Variants in MINDY4 observed in about 807,000 individuals in gnomAD.
MINDY4 encodes the protein MINDY lysine 48 deubiquitinase 4, also known as probable ubiquitin carboxyl-terminal hydrolase MINDY-4.
A neutral mutation model predicts 87.0 loss-of-function variants in MINDY4; 68 were observed. The ratio of observed to expected loss-of-function variants is 0.78; its 90% CI spans 0.64 to 0.96. The LOEUF is 0.96. MINDY4 is among the 40% of genes least tolerant of loss of function. MINDY4 has a pLI of 0.00. For synonymous variants in MINDY4, 379 were observed against 363.2 expected (o/e 1.04, Z -0.50); for missense variants, 919 against 928.2 (o/e 0.99, Z 0.13).
chr7:30,858,380 C>T (rs577723329), intron 12 of MINDY4: 3 of 152,214 alleles, frequency 2.0e-5, no homozygotes, highest in Admixed American at 1.3e-4. Flanking sequence ...GATTATTACC[C>T]TCTTTTTACA....
At chr7:30,805,685 T>C (rs1042210045) in intron 5 of MINDY4, among the ~76,000 whole-genome samples, 3 of 152,112 alleles carry the variant, frequency 2.0e-5, no homozygotes, top group African/African-American at 7.2e-5. Context: ...AGAGAGCACC[T>C]TGAGCAAAGT....
intron 5 of MINDY4, 100 bp downstream of exon 5, chr7:30,791,674 C>T: frequency 7.8e-7 from 1 of 1,284,592 alleles, no homozygotes; most frequent in Non-Finnish European, 1.1e-6. Flanking sequence ...TCTTAGTCTC[C>T]TTGGTCTCTC....
intron 5 of MINDY4, among the ~76,000 whole-genome samples, chr7:30,824,355 G>A (rs1788433224): frequency 6.6e-6 from 1 of 152,106 alleles, no homozygotes; most frequent in East Asian, 1.9e-4. Flanking sequence ...ATTCATGAGG[G>A]CAAAGCACTC....
chr7:30,882,109 A>G, intron 15 of MINDY4, 72 bp from the exon 16 acceptor site: 1 of 1,438,566 alleles, frequency 7.0e-7, no homozygotes, highest in African/African-American at 1.4e-5. Flanking sequence ...CCCTGCCTTG[A>G]GTCAGACAGA....
At chr7:30,861,698 C>T (rs912828246) in intron 13 of MINDY4, among the ~76,000 whole-genome samples, 1 of 152,224 alleles carries the variant, frequency 6.6e-6, no homozygotes, top group Non-Finnish European at 1.5e-5. Context: ...GGGTACAAGC[C>T]GGGAATAATG....
At chr7:30,846,641 G>C (rs1789227629) in intron 9 of MINDY4, among the ~76,000 whole-genome samples, 1 of 152,048 alleles carries the variant, frequency 6.6e-6, no homozygotes, top group Non-Finnish European at 1.5e-5. Context: ...TCATCTGTGG[G>C]TGCAGGTTCT....
intron 5 of MINDY4, among the ~76,000 whole-genome samples, chr7:30,821,831 T>C (rs943531550): frequency 6.6e-6 from 1 of 152,224 alleles, no homozygotes; most frequent in Non-Finnish European, 1.5e-5. Context: ...TCTTCACTAA[T>C]CTACTGTTTA....
chr7:30,852,244 A>T lies in MINDY4; in HGVS notation c.1576A>T (p.Thr526Ser). Residue 526 changes from threonine (T) to serine (S), a missense_variant, in exon 11 of 18, where the codon ACA (threonine) becomes TCA (serine). Thr to Ser is a moderately conservative substitution (Grantham distance 58, BLOSUM62 1). Coordinates refer to ENST00000265299, the MANE Select transcript of MINDY4 (RefSeq NM_032222.3). The stretch of plus-strand genomic sequence containing the variant: ...TTCGAGAACACAGCAGTTCAGTCCA[A>T]CAGGGAAATACAAAGCAGATGGAGT... ...LASRTQQFSP[T>S]GKYKADGVLE... The T allele has an allele frequency of 6.2e-7, 1 of 1,614,218 alleles. No individual in the cohort carries two copies. The highest frequency in any genetic ancestry group is 8.5e-7 in the Non-Finnish European group (1 of 1,180,032).
In MINDY4 at chr7:30,778,543, G is replaced by A. The variant is rs1254435893; in HGVS notation, c.175G>A (p.Glu59Lys). ...KVLHLEFLYK[E>K]NKAKENPLKT... The stretch of plus-strand genomic sequence containing the variant: ...TTTGCATCTTGAATTTCTCTATAAG[G>A]AGAACAAGGTATGTGCTTTCTAAGG... The change falls in exon 2 of 18, where the codon GAG becomes AAG. Residue 59 changes from glutamate to lysine, a missense_variant. By Grantham distance (56) the Glu-to-Lys change is moderately conservative (BLOSUM62 1). Transcript: ENST00000265299. 4.3e-6 allele frequency: 7 copies of A among 1,614,216 alleles called. No homozygotes were observed. The East Asian group carries it at 1.3e-4, about 31-fold the overall frequency.
chr7:30,838,738 G>A (rs1227331683), intron 7 of MINDY4, among the ~76,000 whole-genome samples: 1 of 152,162 alleles, frequency 6.6e-6, no homozygotes, highest in African/African-American at 2.4e-5. Flanking sequence ...ACTGATACTG[G>A]AGTCTCACCC....
At position 30,849,651 on chromosome 7, in the gene MINDY4, A is replaced by C. The variant is rs190920311; in HGVS notation, c.1446-803A>C. Among the ~76,000 whole-genome samples, 202 of 152,172 alleles carry C rather than the reference A, an allele frequency of 1.3e-3. 2 individuals are homozygous for C. The highest frequency in any genetic ancestry group is 4.8e-3 in the African/African-American group (198 of 41,526). ...CTTCCTCTGCCTCCGCTGATTCCTT[A>C]GAGTTCCACAGGGTTCCACCCTTGG... On this transcript the variant is annotated intron_variant, in intron 9 of 17. Coordinates refer to ENST00000265299, the MANE Select transcript of MINDY4 (RefSeq NM_032222.3).
chr7:30,869,599 G>A (rs1019949466), intron 13 of MINDY4, among the ~76,000 whole-genome samples: 2 of 152,086 alleles, frequency 1.3e-5, no homozygotes, highest in Non-Finnish European at 2.9e-5. Context: ...CCTTGTGAGT[G>A]TGCATCTTTG....
chr7:30,862,132 C>T (rs1423191026), intron 13 of MINDY4, among the ~76,000 whole-genome samples: 2 of 152,246 alleles, frequency 1.3e-5, no homozygotes, highest in African/African-American at 4.8e-5. Flanking sequence ...GGGGCTCCTC[C>T]AGTGCTCCCT....
At chr7:30,825,376 G>T (rs1788467450) in intron 5 of MINDY4, among the ~76,000 whole-genome samples, 1 of 152,170 alleles carries the variant, frequency 6.6e-6, no homozygotes, top group African/African-American at 2.4e-5. Flanking sequence ...ATGGCCCTCT[G>T]GGTGGAAGTC....
At chr7:30,821,635 T>C (rs1788334395) in intron 5 of MINDY4, among the ~76,000 whole-genome samples, 1 of 152,234 alleles carries the variant, frequency 6.6e-6, no homozygotes, top group African/African-American at 2.4e-5. Flanking sequence ...GCAATTACCT[T>C]TTCAGGTATT....
In MINDY4 at chr7:30,850,486, G is replaced by T. The variant is rs750435552; in HGVS notation, c.1478G>T (p.Arg493Leu). Residue 493 changes from arginine to leucine, a missense_variant, in exon 10 of 18, where the codon CGC becomes CTC. Physicochemically the swap from Arg to Leu is moderately radical, Grantham distance 102. Coordinates refer to ENST00000265299, the MANE Select transcript of MINDY4 (RefSeq NM_032222.3). ...CAGCCTTCAGATGCCCACCGGACCCGCTGCCTCGTCCTGGCCCTCGCAGAC... is the reference window on the plus strand; with the variant it reads ...CAGCCTTCAGATGCCCACCGGACCCTCTGCCTCGTCCTGGCCCTCGCAGAC... ...GLQPSDAHRT[R>L]CLVLALADIV... 1 of 1,612,272 alleles carries T rather than the reference G, an allele frequency of 6.2e-7. No homozygotes were observed. The highest frequency in any genetic ancestry group is 2.2e-5 in the East Asian group (1 of 44,826).
intron 14 of MINDY4, among the ~76,000 whole-genome samples, chr7:30,874,616 A>G (rs1273247108): frequency 6.6e-6 from 1 of 152,186 alleles, no homozygotes; most frequent in Non-Finnish European, 1.5e-5. Flanking sequence ...CCAGGTGTGT[A>G]GCTTGAGTCA....
intron 1 of MINDY4, among the ~76,000 whole-genome samples, chr7:30,773,887 C>G (rs903302850): frequency 2.0e-4 from 31 of 152,316 alleles, no homozygotes; most frequent in African/African-American, 7.0e-4. Flanking sequence ...CCACCTACCT[C>G]TCACCCACCC....
chr7:30,811,382 G>C (rs186223498), intron 5 of MINDY4, among the ~76,000 whole-genome samples: 1 of 152,242 alleles, frequency 6.6e-6, no homozygotes, highest in African/African-American at 2.4e-5. Context: ...AAGCTTCATC[G>C]CTACCTTCAT....
Sources: gnomAD v4.1 joint callset for allele counts (sites outside exome capture counted in the v4.1 genomes callset) on GRCh38, gnomAD v4.1.1 for gene constraint, MANE v1.5 for transcripts, NCBI Gene and HGNC (gene_info 2026-07-23, HGNC 2026-07-21) for gene names.